Variants in GUCY1A2 observed in about 807,000 individuals in gnomAD.
GUCY1A2 encodes guanylate cyclase 1 soluble subunit alpha 2.
GUCY1A2 carries 27 observed loss-of-function variants against 63.5 expected under a neutral mutation model. The ratio of observed to expected loss-of-function variants is 0.43; its 90% CI spans 0.31 to 0.59. GUCY1A2 has a LOEUF of 0.59. GUCY1A2 is among the 20% of genes least tolerant of loss of function. The pLI is 0.11. For synonymous variants in GUCY1A2, 364 were observed against 343.5 expected (o/e 1.06, Z -0.66); for missense variants, 768 against 913.3 (o/e 0.84, Z 2.05).
intron 1 of GUCY1A2, among the ~76,000 whole-genome samples, chr11:106,994,945 T>C (rs757843965): frequency 1.3e-5 from 2 of 152,240 alleles, no homozygotes; most frequent in Admixed American, 6.5e-5. Flanking sequence ...TTTTAGGAGA[T>C]ATTAATACTT....
intron 4 of GUCY1A2, among the ~76,000 whole-genome samples, chr11:106,930,998 C>T (rs1391528569): frequency 6.6e-6 from 1 of 152,202 alleles, no homozygotes; most frequent in Non-Finnish European, 1.5e-5. Context: ...CAGTGTTGAC[C>T]GATAAAGCCC....
intron 5 of GUCY1A2, among the ~76,000 whole-genome samples, chr11:106,782,263 G>C (rs1419136568): frequency 2.0e-5 from 3 of 152,146 alleles, no homozygotes; most frequent in Admixed American, 2.0e-4. Context: ...CAGCAAATTA[G>C]AAAGTCTGCT....
At chr11:106,843,977 T>G (rs2135445909) in intron 4 of GUCY1A2, among the ~76,000 whole-genome samples, 1 of 151,968 alleles carries the variant, frequency 6.6e-6, no homozygotes, top group South Asian at 2.1e-4. Context: ...CAGCATCTTG[T>G]CATATCATTG....
chr11:106,941,598 C>G (rs926034404), intron 3 of GUCY1A2, among the ~76,000 whole-genome samples: 2 of 152,190 alleles, frequency 1.3e-5, no homozygotes, highest in African/African-American at 4.8e-5. Context: ...TGCTAGCGCC[C>G]CATTAGAGTG....
chr11:107,001,067 T>C (rs1169071260), intron 1 of GUCY1A2, among the ~76,000 whole-genome samples: 3 of 152,214 alleles, frequency 2.0e-5, no homozygotes. Flanking sequence ...GAAGGGGTAA[T>C]ATGAATTTTT....
At chr11:106,914,888 GAAC>G (rs147280428) in intron 4 of GUCY1A2, among the ~76,000 whole-genome samples, 299 of 152,058 alleles carry the variant, frequency 2.0e-3, no homozygotes, top group African/African-American at 6.7e-3. Flanking sequence ...AAAAAAAGAT[GAAC>G]AAACAGAAAA....
At chr11:106,766,652 G>GCTAA (rs569842211) in intron 6 of GUCY1A2, among the ~76,000 whole-genome samples, 1 of 151,904 alleles carries the variant, frequency 6.6e-6, no homozygotes, top group African/African-American at 2.4e-5. Context: ...AAACGTAAAA[G>GCTAA]CTAACTAACT....
intron 6 of GUCY1A2, among the ~76,000 whole-genome samples, chr11:106,744,676 G>T (rs1863756246): frequency 6.6e-6 from 1 of 152,110 alleles, no homozygotes; most frequent in Admixed American, 6.6e-5. Context: ...GTTTTACTGA[G>T]TGAACAAAGA....
At chr11:106,894,044 A>G (rs1443931413) in intron 4 of GUCY1A2, among the ~76,000 whole-genome samples, 1 of 152,148 alleles carries the variant, frequency 6.6e-6, no homozygotes. Context: ...CCCTCAGGAG[A>G]ATATATGTAA....
chr11:106,891,317 A>G (rs1859970928), intron 4 of GUCY1A2, among the ~76,000 whole-genome samples: 1 of 152,160 alleles, frequency 6.6e-6, no homozygotes, highest in South Asian at 2.1e-4. Context: ...TTATTGATTT[A>G]TAGTAATTCT....
intron 3 of GUCY1A2, among the ~76,000 whole-genome samples, chr11:106,974,283 G>T (rs779504192): frequency 1.3e-5 from 2 of 152,004 alleles, no homozygotes; most frequent in African/African-American, 4.8e-5. Context: ...ATGGTAAGTT[G>T]TTACTACACT....
At chr11:106,738,750 T>C (rs971027865) in intron 6 of GUCY1A2, among the ~76,000 whole-genome samples, 1 of 152,232 alleles carries the variant, frequency 6.6e-6, no homozygotes, top group Non-Finnish European at 1.5e-5. Flanking sequence ...CACTGGTCTA[T>C]ACATCTGTTT....
intron 2 of GUCY1A2, among the ~76,000 whole-genome samples, chr11:106,979,506 C>T (rs1861308093): frequency 6.9e-6 from 1 of 145,006 alleles, no homozygotes; most frequent in African/African-American, 2.5e-5. Flanking sequence ...GTATAAATAA[C>T]ATACACCTGG....
chr11:106,884,000 T>C (rs1859863004), intron 4 of GUCY1A2, among the ~76,000 whole-genome samples: 1 of 152,000 alleles, frequency 6.6e-6, no homozygotes, highest in Non-Finnish European at 1.5e-5. Flanking sequence ...TGAGAACACT[T>C]GGACACAGGG....
At chr11:106,937,703 G>A (rs1860698200) in intron 4 of GUCY1A2, among the ~76,000 whole-genome samples, 1 of 152,084 alleles carries the variant, frequency 6.6e-6, no homozygotes, top group African/African-American at 2.4e-5. Flanking sequence ...TTCAAAATGG[G>A]TAGCAATTAT....
chr11:106,954,298 A>T (rs1860952488), intron 3 of GUCY1A2, among the ~76,000 whole-genome samples: 1 of 152,212 alleles, frequency 6.6e-6, no homozygotes, highest in Non-Finnish European at 1.5e-5. Flanking sequence ...CAAGTTGTTC[A>T]ATTTCCATGA....
chr11:106,712,998 A>G (rs1863147004), intron 6 of GUCY1A2, among the ~76,000 whole-genome samples: 1 of 151,896 alleles, frequency 6.6e-6, no homozygotes, highest in Non-Finnish European at 1.5e-5. Context: ...CTTCTCTGAT[A>G]CTCTGTCTAT....
chr11:106,774,318 A>AGAC (rs1158235206), intron 6 of GUCY1A2, among the ~76,000 whole-genome samples: 1 of 152,088 alleles, frequency 6.6e-6, no homozygotes, highest in Non-Finnish European at 1.5e-5. Context: ...TTTTTAGTAC[A>AGAC]GACAGGGTTT....
At chr11:106,827,926 G>A in intron 4 of GUCY1A2, 2 of 1,274,092 alleles carry the variant, frequency 1.6e-6, no homozygotes, top group South Asian at 2.4e-5. Context: ...GAATATCGCG[G>A]CGGAACAGCG....
Sources: allele counts gnomAD v4.1 joint callset (sites outside exome capture counted in the v4.1 genomes callset), GRCh38; gene constraint gnomAD v4.1.1; transcripts MANE v1.5; gene names NCBI Gene and HGNC (gene_info 2026-07-23, HGNC 2026-07-21).